The following LMOD1 variants were observed in gnomAD, a reference collection of about 807,000 sequenced individuals.
LMOD1 encodes the protein leiomodin-1.
A neutral mutation model predicts 36.5 loss-of-function variants in LMOD1; 8 were observed. That is an observed-to-expected ratio of 0.22 (90% CI 0.13 to 0.40). The LOEUF (loss-of-function observed/expected upper bound fraction) is 0.40. LMOD1 is among the 10% of genes least tolerant of loss of function. LMOD1 has a pLI of 1.00. For missense variants in LMOD1, 630 were observed against 751.1 expected, an observed-to-expected ratio of 0.84 and a Z score of 1.88; for synonymous variants, 284 against 288.7, an observed-to-expected ratio of 0.98 and a Z score of 0.17.
At position 201,898,259 on chromosome 1, in the gene LMOD1, T is replaced by C. The variant is rs750290065; in HGVS notation, c.*113A>G. 5 of 1,055,912 alleles carry C rather than the reference T, an allele frequency of 4.7e-6. No individual in the cohort carries two copies. Among genetic ancestry groups the C allele is most frequent in the Non-Finnish European group, 5.8e-6 (4 of 693,250 alleles). 65.4% of individuals were successfully genotyped at this position (1,055,912 alleles called of 1,614,324 possible). A position where few individuals can be genotyped will look rare whatever the true frequency, so the allele number is the denominator to read the frequency against. Reference sequence around the variant, plus strand: ...AGGCCTGGACTCTCCCATGGCAGAATAGGGACATCCACAGCAGGTCAGCCA... The same window carrying C: ...AGGCCTGGACTCTCCCATGGCAGAACAGGGACATCCACAGCAGGTCAGCCA... On this transcript the variant is annotated 3_prime_UTR_variant, in exon 3 of 3. Transcript: ENST00000367288.
intron 1 of LMOD1, among the ~76,000 whole-genome samples, chr1:201,909,460 G>A (rs1221592348): frequency 1.3e-5 from 2 of 152,040 alleles, no homozygotes; most frequent in African/African-American, 4.8e-5. Context: ...GTTGCAGGCT[G>A]GTCTCAAACT....
At chr1:201,908,288 T>C (rs1681442639) in intron 1 of LMOD1, among the ~76,000 whole-genome samples, 2 of 152,168 alleles carry the variant, frequency 1.3e-5, no homozygotes. Flanking sequence ...CACTGGCCTG[T>C]GCTGGATGAG....
In LMOD1 at chr1:201,937,458, C is replaced by CA. The variant is rs201145064; in HGVS notation, c.261+8621dup. Among the ~76,000 whole-genome samples, 735 of 147,766 alleles carry CA rather than the reference C, an allele frequency of 5.0e-3. 4 individuals carry two copies. Among genetic ancestry groups the CA allele is most frequent in the African/African-American group, 0.017 (685 of 40,112 alleles). On this transcript the variant is annotated intron_variant, in intron 1 of 2. Coordinates refer to ENST00000367288, the MANE Select transcript of LMOD1 (RefSeq NM_012134.3). ...TAAGATCCTGTCTCAAACAAACAAA[C>CA]AAAAAAAAACAAAAACAAAAAAACA...
intron 1 of LMOD1, among the ~76,000 whole-genome samples, chr1:201,903,770 TC>T (rs930278003): frequency 6.6e-6 from 1 of 152,060 alleles, no homozygotes; most frequent in African/African-American, 2.4e-5. Context: ...ACTCCTGCCC[TC>T]CCCTCTTCCT....
intron 1 of LMOD1, among the ~76,000 whole-genome samples, chr1:201,902,773 G>A (rs911856170): frequency 1.2e-4 from 19 of 152,126 alleles, no homozygotes; most frequent in African/African-American, 4.3e-4. Context: ...CACAGCATAA[G>A]CCACCCACAC....
In LMOD1 at chr1:201,946,212, C is replaced by G. The variant is rs775996212; in HGVS notation, c.129G>C (p.Gly43=). ...TCTGCCGCAGCCCCACGGGAACACT[C>G]CCGTCTGGGTCCACCACGTCCAGCT... is the stretch of plus-strand genomic sequence containing the variant. The part of the protein sequence containing the change: ...EKELDVVDPD[G]SVPVGLRQRN... Residue 43 remains glycine (G), a synonymous_variant, in exon 1 of 3, where the codon GGG becomes GGC. Coordinates refer to ENST00000367288, the MANE Select transcript of LMOD1 (RefSeq NM_012134.3). The G allele has an allele frequency of 3.7e-6, 6 of 1,614,058 alleles. No individual in the cohort carries two copies. The South Asian group carries it at 6.6e-5, about 18-fold the overall frequency.
chr1:201,903,572 C>G (rs1430827929), intron 1 of LMOD1, among the ~76,000 whole-genome samples: 1 of 152,178 alleles, frequency 6.6e-6, no homozygotes, highest in African/African-American at 2.4e-5. Flanking sequence ...ACAAGGAAAC[C>G]CAATGGATCA....
chr1:201,899,065 C>T lies in LMOD1; in HGVS notation c.1776+172G>A. 1 of 590,290 alleles carries T rather than the reference C, an allele frequency of 1.7e-6. No individual in the cohort carries two copies. The highest frequency in any genetic ancestry group is 2.5e-5 in the South Asian group (1 of 39,228). The allele number at this position is 590,290 out of a possible 1,614,324, so 36.6% of individuals were successfully genotyped here. A position where few individuals can be genotyped will look rare whatever the true frequency, so the allele number is the denominator to read the frequency against. ...CTAGGGGATATACAGGTGTGACCTG[C>T]CTGCAGGCAGGAGGATGCATGAGAT... On this transcript the variant is annotated intron_variant, in intron 2 of 2. Transcript: ENST00000367288. The surrounding 1 kb of genome is among the most constrained non-coding windows in gnomAD (Gnocchi z 6.3).
chr1:201,924,358 A>C, intron 1 of LMOD1, among the ~76,000 whole-genome samples: 1 of 111,524 alleles, frequency 9.0e-6, no homozygotes, highest in African/African-American at 3.3e-5. Context: ...GGAAGGAGGG[A>C]GGGAGAGAGG....
chr1:201,899,621 G>A lies in LMOD1; in HGVS notation c.1392C>T (p.Thr464=). Residue 464 remains threonine, a synonymous_variant, in exon 2 of 3, where the codon ACC becomes ACT. Transcript: ENST00000367288. This position sits in a 1 kb window ranked among gnomAD's most constrained non-coding sequence, Gnocchi z 6.3. ...FELAGPRMTV[T]NLLSRNMDKQ... ...TGTCCATGTTGCGGCTGAGCAGATTGGTGACAGTCATTCGGGGCCCGGCCA... is the reference window on the plus strand; with the variant it reads ...TGTCCATGTTGCGGCTGAGCAGATTAGTGACAGTCATTCGGGGCCCGGCCA... 6 of 1,612,968 alleles carry A rather than the reference G, an allele frequency of 3.7e-6. No individual in the cohort carries two copies. Among genetic ancestry groups the A allele is most frequent in the Non-Finnish European group, 5.1e-6 (6 of 1,179,456 alleles).
rs1418732517 is a variant in LMOD1 at position 201,933,536 on chromosome 1, TATATAATAC to T, written c.261+12535_261+12543del. On this transcript the variant is annotated intron_variant, in intron 1 of 2. Coordinates refer to ENST00000367288, the MANE Select transcript of LMOD1 (RefSeq NM_012134.3). ...GCCTTTCTCTCTCTCTCTCTCTATA[TATATAATAC>T]ATATATATATAATACATATATATAT... 5.5e-3 allele frequency among the ~76,000 whole-genome samples: 524 copies of T among 95,650 alleles called. 2 individuals are homozygous for T. Among genetic ancestry groups the T allele is most frequent in the East Asian group, 0.013 (27 of 2,010 alleles). 62.8% of individuals were successfully genotyped at this position (95,650 alleles called of 152,430 possible). A position where few individuals can be genotyped will look rare whatever the true frequency, so the allele number is the denominator to read the frequency against.
At chr1:201,909,103 C>T (rs1681452841) in intron 1 of LMOD1, among the ~76,000 whole-genome samples, 1 of 152,302 alleles carries the variant, frequency 6.6e-6, no homozygotes, top group Middle Eastern at 3.4e-3. Context: ...GAAGCTAAGG[C>T]CCATGCAGTC....
chr1:201,930,931 T>C (rs1325761457), intron 1 of LMOD1, among the ~76,000 whole-genome samples: 3 of 152,082 alleles, frequency 2.0e-5, no homozygotes, highest in Non-Finnish European at 4.4e-5. Context: ...GAATAAAGAC[T>C]AAAAGGTGTG....
intron 1 of LMOD1, among the ~76,000 whole-genome samples, chr1:201,901,517 T>C (rs1415145554): frequency 1.5e-5 from 1 of 66,126 alleles, no homozygotes; most frequent in Admixed American, 1.9e-4. Flanking sequence ...AAAAAATATA[T>C]ATATATATAT....
chr1:201,935,544 T>C (rs1558243305), intron 1 of LMOD1, among the ~76,000 whole-genome samples: 2 of 151,984 alleles, frequency 1.3e-5, no homozygotes, highest in Non-Finnish European at 2.9e-5. Flanking sequence ...ACTTTAGTTT[T>C]ATTTATTTAT....
At chr1:201,924,219 C>G (rs1286160280) in intron 1 of LMOD1, among the ~76,000 whole-genome samples, 31 of 149,682 alleles carry the variant, frequency 2.1e-4, no homozygotes, top group Non-Finnish European at 4.4e-4. Context: ...AGCTACTCAG[C>G]AGGCTGAGGC....
At chr1:201,904,559 CT>C (rs1367446837) in intron 1 of LMOD1, among the ~76,000 whole-genome samples, 11 of 152,192 alleles carry the variant, frequency 7.2e-5, no homozygotes, top group Admixed American at 7.2e-4. Flanking sequence ...GACTTCTCCC[CT>C]TTATCCTAAT....
intron 1 of LMOD1, 38 bp downstream of exon 1, chr1:201,946,042 C>T: frequency 6.3e-7 from 1 of 1,592,412 alleles, no homozygotes; most frequent in Non-Finnish European, 8.6e-7. Flanking sequence ...CAGCCCTCCC[C>T]TGTCTCCCTC....
chr1:201,900,663 C>T lies in LMOD1; in HGVS notation c.350G>A (p.Arg117Gln), dbSNP rs3820436. The part of the protein sequence containing the change: ...DASKKALGPR[R>Q]DSDLGKEPKR... ...TGGCTCCTTCCCCAGATCTGAGTCC[C>T]GTCTGGGGCCCAGGGCTTTTTTGCT... Residue 117 changes from arginine to glutamine, a missense_variant, in exon 2 of 3, where the codon CGG becomes CAG. By Grantham distance (43) the Arg-to-Gln change is conservative. This residue lies in a region of LMOD1 where 405 missense variants were observed against 400.6 expected (regional missense o/e 1.01). Transcript: ENST00000367288. 1.4e-5 allele frequency: 22 copies of T among 1,613,744 alleles called. No homozygotes were observed. The East Asian group carries it at 1.8e-4, about 13-fold the overall frequency.
Sources: gnomAD v4.1 joint callset for allele counts (sites outside exome capture counted in the v4.1 genomes callset) on GRCh38, gnomAD v4.1.1 for gene constraint, gnomAD v4.1.1 regional missense constraint, Gnocchi (gnomAD v3.1) non-coding constraint, MANE v1.5 for transcripts, NCBI Gene and HGNC (gene_info 2026-07-23, HGNC 2026-07-21) for gene names.